LMLN: variants seen among roughly 807,000 people sequenced by gnomAD.
The protein encoded by LMLN is leishmanolysin like peptidase, also known as leishmanolysin-like peptidase.
In LMLN, 70 loss-of-function variants were observed where a neutral mutation model predicts 92.3. That is an observed-to-expected ratio of 0.76 (90% CI 0.63 to 0.92). LMLN has a LOEUF of 0.92. LMLN is among the 40% of genes least tolerant of loss of function. The pLI, the probability that LMLN is intolerant of heterozygous loss-of-function variation, is 0.00. For missense variants in LMLN, 691 were observed against 814.6 expected (o/e 0.85, Z 1.85); for synonymous variants, 308 against 296.2 (o/e 1.04, Z -0.41).
rs1723084630 is a variant in LMLN, at chr3:198,031,801, A to G, written c.1657-4032A>G. On this transcript the variant is annotated intron_variant, in intron 14 of 15. Transcript: ENST00000330198. The surrounding 1 kb of genome is among the most constrained non-coding windows in gnomAD (Gnocchi z 4.8). ...TTTGGTGATCATTAACAGCCTGTTC[A>G]TATTCAAGAAGTGACTGGAGCCTGG... Among the ~76,000 whole-genome samples the G allele has an allele frequency of 1.3e-5, 2 of 152,082 alleles. No individual in the cohort carries two copies. The highest frequency in any genetic ancestry group is 4.2e-4 in the South Asian group (2 of 4,818).
At chr3:198,005,657 C>T (rs536951578) in intron 11 of LMLN, among the ~76,000 whole-genome samples, 1 of 143,974 alleles carries the variant, frequency 6.9e-6, no homozygotes, top group Non-Finnish European at 1.5e-5. Context: ...TTTTTTGAGA[C>T]AGAGTCTCAC....
At chr3:197,961,884 T>C (rs1720907634) in intron 1 of LMLN, among the ~76,000 whole-genome samples, 1 of 152,214 alleles carries the variant, frequency 6.6e-6, no homozygotes, top group Non-Finnish European at 1.5e-5. Flanking sequence ...ATCAGAATAA[T>C]TTAATGAACC....
At chr3:197,971,581 G>GGTT (rs1230769330) in intron 1 of LMLN, among the ~76,000 whole-genome samples, 1 of 152,056 alleles carries the variant, frequency 6.6e-6, no homozygotes, top group East Asian at 1.9e-4. Context: ...TGATGTACCT[G>GGTT]GTTGTTGTTT....
chr3:197,976,180 A>T (rs958959350), intron 4 of LMLN, 69 bp downstream of exon 4: 1 of 897,398 alleles, frequency 1.1e-6, no homozygotes, highest in Non-Finnish European at 1.8e-6. Flanking sequence ...TTCTATGAAC[A>T]TGGCAAGGTA....
intron 11 of LMLN, among the ~76,000 whole-genome samples, chr3:198,002,555 T>A (rs1722203808): frequency 6.6e-6 from 1 of 152,162 alleles, no homozygotes; most frequent in African/African-American, 2.4e-5. Context: ...GTGGCAAACA[T>A]AGTGAAACCC....
intron 4 of LMLN, 65 bp downstream of exon 4, chr3:197,976,176 G>A: frequency 1.0e-6 from 1 of 959,482 alleles, no homozygotes; most frequent in Non-Finnish European, 1.6e-6. Context: ...CTCGTTCTAT[G>A]AACATGGCAA....
intron 11 of LMLN, among the ~76,000 whole-genome samples, chr3:198,018,784 G>T (rs982122062): frequency 6.6e-6 from 1 of 152,104 alleles, no homozygotes; most frequent in Non-Finnish European, 1.5e-5. Context: ...CTGCTATTGT[G>T]ATATTAATAT....
chr3:197,987,328 T>A (rs79257161), intron 8 of LMLN, among the ~76,000 whole-genome samples: 3,866 of 151,766 alleles, frequency 0.025, 156 homozygotes, highest in African/African-American at 0.087. Context: ...CCCGGCTGAT[T>A]TTTTGTATTT....
intron 12 of LMLN, among the ~76,000 whole-genome samples, chr3:198,020,777 T>TG (rs1422175713): frequency 1.2e-4 from 16 of 129,950 alleles, no homozygotes; most frequent in African/African-American, 4.5e-4. Context: ...TATTTTTTTT[T>TG]TTTTTTTTTT....
At chr3:197,996,445 T>G in intron 10 of LMLN, 163 bp downstream of exon 10, 1 of 469,318 alleles carries the variant, frequency 2.1e-6, no homozygotes, top group South Asian at 3.7e-5. Flanking sequence ...TTACTTTTTT[T>G]GTATATACTT....
At chr3:198,011,222 A>G (rs1722428176) in intron 11 of LMLN, among the ~76,000 whole-genome samples, 1 of 152,202 alleles carries the variant, frequency 6.6e-6, no homozygotes, top group South Asian at 2.1e-4. Context: ...TGCTGCACCC[A>G]TTAACTTGTC....
intron 1 of LMLN, among the ~76,000 whole-genome samples, chr3:197,970,562 C>G (rs954102995): frequency 6.6e-6 from 1 of 152,144 alleles, no homozygotes; most frequent in Non-Finnish European, 1.5e-5. Context: ...TTACCTGATT[C>G]TTAGAGTCCA....
intron 5 of LMLN, among the ~76,000 whole-genome samples, chr3:197,979,789 A>G (rs1206383622): frequency 6.6e-6 from 1 of 152,216 alleles, no homozygotes; most frequent in Non-Finnish European, 1.5e-5. Flanking sequence ...CTCAAAAAAA[A>G]TTTTGTTTTT....
chr3:198,005,990 G>A (rs191840649), intron 11 of LMLN, among the ~76,000 whole-genome samples: 6 of 152,040 alleles, frequency 3.9e-5, no homozygotes, highest in African/African-American at 9.7e-5. Flanking sequence ...GGTGGTGGGC[G>A]CCTGTAACCC....
intron 11 of LMLN, among the ~76,000 whole-genome samples, chr3:198,006,022 C>G (rs999814080): frequency 3.3e-5 from 5 of 152,062 alleles, no homozygotes; most frequent in Non-Finnish European, 7.4e-5. Context: ...GAGGCTGAGG[C>G]AAGGAAACAG....
At chr3:197,999,997 T>C (rs1407981925) in intron 11 of LMLN, among the ~76,000 whole-genome samples, 1 of 152,256 alleles carries the variant, frequency 6.6e-6, no homozygotes, top group Non-Finnish European at 1.5e-5. Context: ...TAAACAATTT[T>C]TAAATGACTG....
chr3:197,999,441 A>G, intron 11 of LMLN, 99 bp downstream of exon 11: 1 of 752,920 alleles, frequency 1.3e-6, no homozygotes, highest in South Asian at 1.6e-5. Flanking sequence ...TGCTGAAGCA[A>G]AATATACTTA....
chr3:198,016,535 A>G (rs1417186124), intron 11 of LMLN, among the ~76,000 whole-genome samples: 1 of 152,248 alleles, frequency 6.6e-6, no homozygotes, highest in Non-Finnish European at 1.5e-5. Context: ...AGTTTGTTTT[A>G]ATAAATTCCC....
At position 197,961,957 on chromosome 3, in the gene LMLN, T is replaced by C. The variant is rs115319359; in HGVS notation, c.219+1517T>C. Reference sequence around the variant, plus strand: ...AAGGTTCCGCCATTCTTGTTTCATATACTTTCAGCCATTCCGCAGCCCCCT... The same window carrying C: ...AAGGTTCCGCCATTCTTGTTTCATACACTTTCAGCCATTCCGCAGCCCCCT... On this transcript the variant is annotated intron_variant, in intron 1 of 15. Coordinates refer to ENST00000330198, the Ensembl canonical transcript of LMLN. 4.7e-3 allele frequency among the ~76,000 whole-genome samples: 717 copies of C among 152,342 alleles called. 1 individual carries two copies. The highest frequency in any genetic ancestry group is 0.017 in the African/African-American group (687 of 41,568).
Sources: allele counts gnomAD v4.1 joint callset (sites outside exome capture counted in the v4.1 genomes callset), GRCh38; gene constraint gnomAD v4.1.1; non-coding constraint Gnocchi (gnomAD v3.1); transcripts MANE v1.5; gene names NCBI Gene and HGNC (gene_info 2026-07-23, HGNC 2026-07-21).